The following EMP1 variants were observed in gnomAD, a reference collection of about 807,000 sequenced individuals.
EMP1 encodes the protein epithelial membrane protein 1, also known as tumor-associated membrane protein.
A neutral mutation model predicts 15.7 loss-of-function variants in EMP1; 5 were observed. The ratio of observed to expected loss-of-function variants is 0.32; its 90% confidence interval spans 0.17 to 0.67. The LOEUF (loss-of-function observed/expected upper bound fraction) is 0.67. Among genes scored for constraint, EMP1 ranks in the 30% least tolerant of loss-of-function variants. The probability of loss-of-function intolerance (pLI) is 0.74; values close to 1 mark genes in which losing one functional copy is unlikely to be tolerated. For missense variants in EMP1, 166 were observed against 194.2 expected, an observed-to-expected ratio of 0.85 and a Z score of 0.86; for synonymous variants, 78 against 76.7, an observed-to-expected ratio of 1.02 and a Z score of -0.09.
At chr12:13,214,296 C>T (rs1170675757) in intron 4 of EMP1, 2 of 618,252 alleles carry the variant, frequency 3.2e-6, no homozygotes, top group East Asian at 2.8e-5. Flanking sequence ...CTGTGTTTTA[C>T]ATCACAGCGT....
rs1445131352 is a variant in EMP1 at position 13,216,536 on chromosome 12, G to A, written c.*1845G>A. On this transcript the variant is annotated 3_prime_UTR_variant, in exon 5 of 5. Coordinates refer to ENST00000256951, the MANE Select transcript of EMP1 (RefSeq NM_001423.3). ...CTTACATTTCAGACATATCCAAAGGGAATACTCACATTTTGTTAAGAAGTT... is the reference window on the plus strand; with the variant it reads ...CTTACATTTCAGACATATCCAAAGGAAATACTCACATTTTGTTAAGAAGTT... 4 of 684,742 alleles carry A rather than the reference G, an allele frequency of 5.8e-6. No homozygotes were observed. The highest frequency in any genetic ancestry group is 1.5e-5 in the South Asian group (1 of 64,546). The allele number at this position is 684,742 out of a possible 1,614,324, so 42.4% of individuals were successfully genotyped here.
rs1864018437 is a variant in EMP1, at chr12:13,196,749, G to C, written c.-166G>C. 4.6e-5 allele frequency: 7 copies of C among 152,168 alleles called. No homozygotes were observed. Among genetic ancestry groups the C allele is most frequent in the Admixed American group, 3.9e-4 (6 of 15,274 alleles). 9.4% of individuals were successfully genotyped at this position (152,168 alleles called of 1,614,324 possible). A position where few individuals can be genotyped will look rare whatever the true frequency, so the allele number is the denominator to read the frequency against. ...TTACACACCCCAGTACACCAGCAGA[G>C]GAAACTTATAACCTCGGGAGGCAGG... On this transcript the variant is annotated 5_prime_UTR_variant, in exon 1 of 5. Coordinates refer to ENST00000256951, the MANE Select transcript of EMP1 (RefSeq NM_001423.3).
chr12:13,216,490 T>A lies in EMP1; in HGVS notation c.*1799T>A. ...TCATTATCACATGATTATAGAAGGCTGTCTTAGTGCAAAAAACATACTTAC... is the reference window on the plus strand; with the variant it reads ...TCATTATCACATGATTATAGAAGGCAGTCTTAGTGCAAAAAACATACTTAC... On this transcript the variant is annotated 3_prime_UTR_variant, in exon 5 of 5. Coordinates refer to ENST00000256951, the MANE Select transcript of EMP1 (RefSeq NM_001423.3). 1 of 701,648 alleles carries A rather than the reference T, an allele frequency of 1.4e-6. No homozygotes were observed. The highest frequency in any genetic ancestry group is 1.7e-5 in the African/African-American group (1 of 57,334). 43.5% of individuals were successfully genotyped at this position (701,648 alleles called of 1,614,324 possible).
Position 13,211,610 on chromosome 12 carries a change from A to G in EMP1, c.78+22A>G. 6.2e-7 allele frequency: 1 copy of G among 1,611,082 alleles called. No homozygotes were observed. Among genetic ancestry groups the G allele is most frequent in the Non-Finnish European group, 8.5e-7 (1 of 1,178,124 alleles). ...CAATGTGAGTAATGTTCTTTTGTTC[A>G]TTCATTCATTGAGAAATCATTCGAA... On this transcript the variant is annotated intron_variant, in intron 2 of 4. Transcript: ENST00000256951. This position sits in a 1 kb window ranked among gnomAD's most constrained non-coding sequence, Gnocchi z 4.7.
At chr12:13,208,419 G>A (rs754593384) in intron 1 of EMP1, among the ~76,000 whole-genome samples, 4 of 152,158 alleles carry the variant, frequency 2.6e-5, no homozygotes, top group Admixed American at 6.5e-5. Context: ...GGGGGCAGGA[G>A]GTATCTAGCA....
intron 1 of EMP1, among the ~76,000 whole-genome samples, chr12:13,206,248 A>G (rs1418299509): frequency 6.6e-6 from 1 of 152,240 alleles, no homozygotes; most frequent in Non-Finnish European, 1.5e-5. Context: ...TTTTCTCCCC[A>G]GAAAAATCCT....
Position 13,218,414 on chromosome 12 carries a change from T to G in EMP1, c.*3723T>G, listed in dbSNP as rs1864233072. ...TAGATGAAATGTCCTAGCGAAAATGTTTAAATGTATTTAAAGAAGAGCTAG... is the reference window on the plus strand; with the variant it reads ...TAGATGAAATGTCCTAGCGAAAATGGTTAAATGTATTTAAAGAAGAGCTAG... On this transcript the variant is annotated 3_prime_UTR_variant, in exon 5 of 5. Transcript: ENST00000256951. The G allele has an allele frequency of 6.6e-6, 1 of 152,198 alleles. No homozygotes were observed. Among genetic ancestry groups the G allele is most frequent in the Admixed American group, 6.5e-5 (1 of 15,286 alleles). The allele number at this position is 152,198 out of a possible 1,614,324, so 9.4% of individuals were successfully genotyped here.
chr12:13,198,498 G>A (rs1864034243), intron 1 of EMP1, among the ~76,000 whole-genome samples: 1 of 152,188 alleles, frequency 6.6e-6, no homozygotes, highest in African/African-American at 2.4e-5. Context: ...TGCCCCAAGG[G>A]GGACGATTGA....
In EMP1 at chr12:13,219,469, C is replaced by G. The variant is rs1864241175; in HGVS notation, c.*4778C>G. On this transcript the variant is annotated 3_prime_UTR_variant, in exon 5 of 5. Coordinates refer to ENST00000256951, the MANE Select transcript of EMP1 (RefSeq NM_001423.3). ...CCTGTCTTCTTCTGAGCCCTCCAAACTCTTCCAACCTCTACCCGTTACCCA... is the reference window on the plus strand; with the variant it reads ...CCTGTCTTCTTCTGAGCCCTCCAAAGTCTTCCAACCTCTACCCGTTACCCA... 6.6e-6 allele frequency: 1 copy of G among 152,238 alleles called. No individual in the cohort carries two copies. Among genetic ancestry groups the G allele is most frequent in the Non-Finnish European group, 1.5e-5 (1 of 68,038 alleles). 9.4% of individuals were successfully genotyped at this position (152,238 alleles called of 1,614,324 possible). A position where few individuals can be genotyped will look rare whatever the true frequency, so the allele number is the denominator to read the frequency against.
chr12:13,214,623 C>G lies in EMP1; in HGVS notation c.406C>G (p.Leu136Val). The G allele has an allele frequency of 6.2e-7, 1 of 1,613,876 alleles. No individual in the cohort carries two copies. The highest frequency in any genetic ancestry group is 8.5e-7 in the Non-Finnish European group (1 of 1,179,980). The change falls in exon 5 of 5, where the codon CTG (leucine) becomes GTG (valine). Residue 136 changes from leucine (L) to valine (V), a missense_variant. Leu to Val is a conservative substitution (Grantham distance 32). Coordinates refer to ENST00000256951, the MANE Select transcript of EMP1 (RefSeq NM_001423.3). ...GTATCACCACGGCTATTCCTACATC[C>G]TGGGCTGGATCTGCTTCTGCTTCAG... ...TQYHHGYSYILGWICFCFSFI... is the reference protein window; with the variant it reads ...TQYHHGYSYIVGWICFCFSFI...
chr12:13,214,426 C>A (rs1864194575), intron 4 of EMP1, 108 bp from the exon 5 acceptor site: 12 of 1,469,394 alleles, frequency 8.2e-6, no homozygotes, highest in Non-Finnish European at 1.1e-5. Context: ...AAGCAGAATT[C>A]ATTTTCCTAT....
Position 13,211,687 on chromosome 12 carries a change from T to C in EMP1, c.78+99T>C, listed in dbSNP as rs1864166459. The C allele has an allele frequency of 2.3e-6, 3 of 1,329,110 alleles. No homozygotes were observed. The highest frequency in any genetic ancestry group is 4.6e-5 in the East Asian group (2 of 43,406). The allele number at this position is 1,329,110 out of a possible 1,614,324, so 82.3% of individuals were successfully genotyped here. A position where few individuals can be genotyped will look rare whatever the true frequency, so the allele number is the denominator to read the frequency against. ...TTTAAGCCACAGCCCTTGCCCTTCA[T>C]GAACTTACAGCTCAGTTGTGGGAAA... On this transcript the variant is annotated intron_variant, in intron 2 of 4. Coordinates refer to ENST00000256951, the MANE Select transcript of EMP1 (RefSeq NM_001423.3). This position sits in a 1 kb window ranked among gnomAD's most constrained non-coding sequence, Gnocchi z 4.7.
chr12:13,202,869 A>C (rs759561180), intron 1 of EMP1, among the ~76,000 whole-genome samples: 3 of 152,170 alleles, frequency 2.0e-5, no homozygotes, highest in Non-Finnish European at 4.4e-5. Context: ...ACCAAACCCT[A>C]AGCCAAGAGA....
rs150352322 is a variant in EMP1, at chr12:13,207,669, A to G, written c.-42-3800A>G. Among the ~76,000 whole-genome samples the G allele has an allele frequency of 6.0e-4, 91 of 152,232 alleles. No individual in the cohort carries two copies. In the East Asian group the frequency reaches 0.017, roughly 28 times the overall value. On this transcript the variant is annotated intron_variant, in intron 1 of 4. Transcript: ENST00000256951. ...TCCAGAGTCAACATACATGGGTCCTATACCTTCCTCAGTTTCCCACCCAGC... is the reference window on the plus strand; with the variant it reads ...TCCAGAGTCAACATACATGGGTCCTGTACCTTCCTCAGTTTCCCACCCAGC...
At position 13,211,675 on chromosome 12, in the gene EMP1, C is replaced by T; in HGVS notation, c.78+87C>T. The stretch of plus-strand genomic sequence containing the variant: ...GCACAAAAGAAGTTTAAGCCACAGC[C>T]CTTGCCCTTCATGAACTTACAGCTC... On this transcript the variant is annotated intron_variant, in intron 2 of 4. Coordinates refer to ENST00000256951, the MANE Select transcript of EMP1 (RefSeq NM_001423.3). This position sits in a 1 kb window ranked among gnomAD's most constrained non-coding sequence, Gnocchi z 4.7. 1 of 1,463,420 alleles carries T rather than the reference C, an allele frequency of 6.8e-7. No homozygotes were observed. Among genetic ancestry groups the T allele is most frequent in the Non-Finnish European group, 9.5e-7 (1 of 1,053,994 alleles). 90.7% of individuals were successfully genotyped at this position (1,463,420 alleles called of 1,614,324 possible).
At chr12:13,199,020 G>A (rs1012683140) in intron 1 of EMP1, among the ~76,000 whole-genome samples, 2 of 151,770 alleles carry the variant, frequency 1.3e-5, no homozygotes, top group South Asian at 2.1e-4. Flanking sequence ...AGAATGGGGC[G>A]GGGGCGGGGG....
intron 4 of EMP1, chr12:13,214,259 G>A (rs1200628192): frequency 1.7e-6 from 1 of 596,614 alleles, no homozygotes; most frequent in African/African-American, 1.9e-5. Context: ...GGGCCAGACA[G>A]GACAGCTGGG....
intron 2 of EMP1, among the ~76,000 whole-genome samples, chr12:13,213,161 C>T (rs1398429689): frequency 6.6e-6 from 1 of 152,178 alleles, no homozygotes; most frequent in African/African-American, 2.4e-5. Context: ...ACTTCTGTTT[C>T]TCAGAACCTT....
intron 1 of EMP1, among the ~76,000 whole-genome samples, chr12:13,197,781 G>GA (rs889410609): frequency 5.4e-5 from 8 of 149,108 alleles, no homozygotes; most frequent in African/African-American, 1.5e-4. Flanking sequence ...TCTCAAAAAG[G>GA]AAAAAAAAGA....
Sources: gnomAD v4.1 joint callset for allele counts (sites outside exome capture counted in the v4.1 genomes callset) on GRCh38, gnomAD v4.1.1 for gene constraint, Gnocchi (gnomAD v3.1) non-coding constraint, MANE v1.5 for transcripts, NCBI Gene and HGNC (gene_info 2026-07-23, HGNC 2026-07-21) for gene names.